The following AGMO variants were observed in gnomAD, a reference collection of about 807,000 sequenced individuals.
AGMO encodes glyceryl-ether monooxygenase.
A neutral mutation model predicts 60.2 loss-of-function variants in AGMO; 75 were observed. That is an observed-to-expected ratio of 1.25 (90% CI 1.03 to 1.51). The LOEUF is 1.51. AGMO is among the 40% of genes most tolerant of loss of function. The probability of loss-of-function intolerance (pLI) is 0.00; values close to 1 mark genes in which losing one functional copy is unlikely to be tolerated. For missense variants in AGMO, 763 were observed against 525.5 expected, an observed-to-expected ratio of 1.45 and a Z score of -4.42; for synonymous variants, 261 against 177.1, an observed-to-expected ratio of 1.47 and a Z score of -3.76.
At chr7:15,154,418 T>C in the AGMO span, among the ~76,000 whole-genome samples, 2 of 152,198 alleles carry the variant, frequency 1.3e-5, no homozygotes, top group African/African-American at 4.8e-5. Context: ...CCCATGCTCA[T>C]GGATAGCAAC....
At chr7:15,173,224 A>C in the AGMO span, among the ~76,000 whole-genome samples, 285 of 152,230 alleles carry the variant, frequency 1.9e-3, 1 homozygote, top group African/African-American at 6.5e-3. Flanking sequence ...AAATTTACTG[A>C]AGTAAATTTA....
At chr7:15,245,410 T>G (rs769173774) in intron 12 of AGMO, among the ~76,000 whole-genome samples, 1 of 152,148 alleles carries the variant, frequency 6.6e-6, no homozygotes, top group African/African-American at 2.4e-5. Context: ...AGAGGGAGTT[T>G]GAGATTTGCA....
At chr7:15,322,051 G>C (rs1187137761) in intron 12 of AGMO, among the ~76,000 whole-genome samples, 2 of 151,918 alleles carry the variant, frequency 1.3e-5, no homozygotes, top group African/African-American at 4.8e-5. Flanking sequence ...TGCACATGTA[G>C]TCTCAGCTAC....
chr7:15,175,249 T>C, the AGMO span, among the ~76,000 whole-genome samples: 2 of 151,926 alleles, frequency 1.3e-5, no homozygotes, highest in Non-Finnish European at 1.5e-5. Flanking sequence ...ATTTTTCCAA[T>C]AGATGTCAGT....
the AGMO span, among the ~76,000 whole-genome samples, chr7:15,140,820 A>G: frequency 7.2e-4 from 110 of 152,122 alleles, 1 homozygote; most frequent in South Asian, 0.01. Context: ...CATTTTGCAT[A>G]TGTTTATTTC....
intron 4 of AGMO, among the ~76,000 whole-genome samples, chr7:15,424,539 T>G (rs900913017): frequency 3.3e-5 from 5 of 152,188 alleles, no homozygotes; most frequent in African/African-American, 1.2e-4. Flanking sequence ...AATAATTTTA[T>G]TTTTTACCAA....
the AGMO span, among the ~76,000 whole-genome samples, chr7:15,190,056 C>T: frequency 2.6e-4 from 36 of 139,152 alleles, 2 homozygotes; most frequent in South Asian, 1.6e-3. Flanking sequence ...AGTCCATGTA[C>T]TCAAGATTTT....
At chr7:15,384,724 T>G (rs1783842953) in intron 10 of AGMO, among the ~76,000 whole-genome samples, 1 of 152,176 alleles carries the variant, frequency 6.6e-6, no homozygotes, top group African/African-American at 2.4e-5. Flanking sequence ...TACTTACAAT[T>G]TAGTTACCTT....
At chr7:15,253,303 T>G (rs980893976) in intron 12 of AGMO, among the ~76,000 whole-genome samples, 1 of 152,166 alleles carries the variant, frequency 6.6e-6, no homozygotes, top group Non-Finnish European at 1.5e-5. Flanking sequence ...GATGCTAATG[T>G]TGGTACATGT....
At chr7:15,297,667 A>AC (rs918639014) in intron 12 of AGMO, among the ~76,000 whole-genome samples, 1 of 152,070 alleles carries the variant, frequency 6.6e-6, no homozygotes, top group Non-Finnish European at 1.5e-5. Context: ...TAACTAGCAT[A>AC]CCCCCCTTCC....
At chr7:15,330,313 G>A (rs1781461760) in intron 12 of AGMO, among the ~76,000 whole-genome samples, 1 of 151,982 alleles carries the variant, frequency 6.6e-6, no homozygotes, top group Non-Finnish European at 1.5e-5. Flanking sequence ...TTTATGTATG[G>A]GGCAGGAATA....
chr7:15,401,421 T>G (rs1784549555), intron 5 of AGMO, among the ~76,000 whole-genome samples: 1 of 152,168 alleles, frequency 6.6e-6, no homozygotes, highest in Admixed American at 6.5e-5. Context: ...CTTATCTTCA[T>G]CAAAAATATT....
At chr7:15,416,661 C>T (rs912468344) in intron 5 of AGMO, among the ~76,000 whole-genome samples, 1 of 152,214 alleles carries the variant, frequency 6.6e-6, no homozygotes, top group South Asian at 2.1e-4. Flanking sequence ...ATCTCTACAG[C>T]TCGCATATCA....
intron 3 of AGMO, among the ~76,000 whole-genome samples, chr7:15,464,934 T>C (rs1332114339): frequency 6.6e-6 from 1 of 152,178 alleles, no homozygotes; most frequent in Non-Finnish European, 1.5e-5. Flanking sequence ...AGAAGCAATG[T>C]TCTGTGTTCA....
chr7:15,329,684 G>A (rs1246182586), intron 12 of AGMO, among the ~76,000 whole-genome samples: 1 of 152,142 alleles, frequency 6.6e-6, no homozygotes, highest in Non-Finnish European at 1.5e-5. Flanking sequence ...CCATTATTAT[G>A]TTTAATCCTC....
At chr7:15,475,014 A>C (rs1346073040) in intron 3 of AGMO, among the ~76,000 whole-genome samples, 1 of 152,190 alleles carries the variant, frequency 6.6e-6, no homozygotes, top group Non-Finnish European at 1.5e-5. Flanking sequence ...GCCAGTTAGA[A>C]TGGTGATCAT....
At chr7:15,385,372 TG>T in intron 10 of AGMO, 73 bp downstream of exon 10, 2 of 1,011,758 alleles carry the variant, frequency 2.0e-6, no homozygotes, top group Non-Finnish European at 3.0e-6. Context: ...AGCCTTAATA[TG>T]GGGAGCTTAT....
intron 12 of AGMO, among the ~76,000 whole-genome samples, chr7:15,235,201 A>G (rs1206252121): frequency 1.3e-5 from 2 of 152,000 alleles, no homozygotes; most frequent in Non-Finnish European, 2.9e-5. Context: ...ATCTCTCTTA[A>G]TCTATAATAT....
intron 3 of AGMO, among the ~76,000 whole-genome samples, chr7:15,504,985 AT>A (rs1306746237): frequency 1.3e-5 from 2 of 151,800 alleles, no homozygotes; most frequent in African/African-American, 4.8e-5. Flanking sequence ...TCTTTGAAGT[AT>A]TTTTTTCTTT....
Sources: allele counts gnomAD v4.1 joint callset (sites outside exome capture counted in the v4.1 genomes callset), GRCh38; gene constraint gnomAD v4.1.1; transcripts MANE v1.5; gene names NCBI Gene and HGNC (gene_info 2026-07-23, HGNC 2026-07-21).